The following ARB2A variants were observed in gnomAD, a reference collection of about 807,000 sequenced individuals.
ARB2A encodes ARB2 cotranscriptional regulator A, also known as cotranscriptional regulator ARB2A.
At chr5:94,093,436 A>T in the ARB2A span, among the ~76,000 whole-genome samples, 25 of 152,264 alleles carry the variant, frequency 1.6e-4, no homozygotes, top group South Asian at 5.2e-3. Context: ...CTTTCAGAAG[A>T]CTGCATTCTT....
chr5:94,062,226 AC>A, the ARB2A span, among the ~76,000 whole-genome samples: 1,372 of 152,306 alleles, frequency 9.0e-3, 13 homozygotes, highest in Non-Finnish European at 0.014. Context: ...ATAAAAATGA[AC>A]CTCAACCTAT....
At chr5:93,806,772 T>C in the ARB2A span, among the ~76,000 whole-genome samples, 3 of 151,918 alleles carry the variant, frequency 2.0e-5, no homozygotes, top group Non-Finnish European at 4.4e-5. Flanking sequence ...TGGCTTATGA[T>C]ATAGAGTGAC....
At chr5:93,743,722 A>G in the ARB2A span, 5 of 205,548 alleles carry the variant, frequency 2.4e-5, no homozygotes, top group Middle Eastern at 2.5e-3. Context: ...GCTGGAGTGC[A>G]GTGGCGTGAT....
chr5:93,676,989 T>C, the ARB2A span, among the ~76,000 whole-genome samples: 1 of 152,226 alleles, frequency 6.6e-6, no homozygotes, highest in Admixed American at 6.5e-5. Flanking sequence ...GCAGTCATGT[T>C]ATCTCATAAA....
the ARB2A span, among the ~76,000 whole-genome samples, chr5:94,100,622 C>T: frequency 6.6e-6 from 1 of 151,960 alleles, no homozygotes; most frequent in African/African-American, 2.4e-5. Context: ...ACAGAGACCA[C>T]AAATAAGGCC....
chr5:93,739,987 G>C, the ARB2A span: 2 of 140,548 alleles, frequency 1.4e-5, no homozygotes, highest in Non-Finnish European at 3.0e-5. Flanking sequence ...GAAATGAAAA[G>C]GTAAATCAGA....
chr5:93,957,207 C>T, the ARB2A span, among the ~76,000 whole-genome samples: 1 of 152,086 alleles, frequency 6.6e-6, no homozygotes, highest in East Asian at 1.9e-4. Context: ...TATAGACTTT[C>T]CCTGCGAAAT....
chr5:94,083,589 T>C, the ARB2A span, among the ~76,000 whole-genome samples: 2 of 152,144 alleles, frequency 1.3e-5, no homozygotes, highest in East Asian at 3.8e-4. Flanking sequence ...CTCTTAATGA[T>C]GAAATATTTG....
chr5:94,055,541 A>G, the ARB2A span: 12 of 643,024 alleles, frequency 1.9e-5, no homozygotes, highest in Non-Finnish European at 2.1e-5. Flanking sequence ...ACATAAAAAT[A>G]TACTATCCCC....
At chr5:94,006,869 C>T in the ARB2A span, among the ~76,000 whole-genome samples, 1 of 152,138 alleles carries the variant, frequency 6.6e-6, no homozygotes, top group Non-Finnish European at 1.5e-5. Flanking sequence ...ATCACTGTTT[C>T]TTCCTCAACA....
At chr5:93,761,432 C>T in the ARB2A span, among the ~76,000 whole-genome samples, 1 of 152,200 alleles carries the variant, frequency 6.6e-6, no homozygotes, top group Non-Finnish European at 1.5e-5. Context: ...CTCAGAGGGT[C>T]CTACGCCCAT....
chr5:93,882,183 G>A, the ARB2A span, among the ~76,000 whole-genome samples: 3 of 151,194 alleles, frequency 2.0e-5, no homozygotes, highest in Non-Finnish European at 4.4e-5. Flanking sequence ...AGAATAAGCA[G>A]TTAAAAAAGA....
the ARB2A span, among the ~76,000 whole-genome samples, chr5:93,705,632 T>TGC: frequency 6.8e-6 from 1 of 147,412 alleles, no homozygotes; most frequent in African/African-American, 2.6e-5. Context: ...TGTGTGTGTG[T>TGC]GTGTGTGTGT....
At chr5:93,799,669 G>A in the ARB2A span, among the ~76,000 whole-genome samples, 1 of 152,080 alleles carries the variant, frequency 6.6e-6, no homozygotes, top group Non-Finnish European at 1.5e-5. Flanking sequence ...TACATGGTTA[G>A]TACCAGGAAA....
At chr5:94,080,863 C>T in the ARB2A span, among the ~76,000 whole-genome samples, 2 of 152,150 alleles carry the variant, frequency 1.3e-5, no homozygotes, top group Non-Finnish European at 2.9e-5. Context: ...ACCCCAAATT[C>T]TGTCTCAGCA....
chr5:93,934,083 A>C, the ARB2A span, among the ~76,000 whole-genome samples: 1 of 152,086 alleles, frequency 6.6e-6, no homozygotes, highest in Non-Finnish European at 1.5e-5. Flanking sequence ...TAAAACTATA[A>C]AATTCCTAGG....
At chr5:93,627,323 A>G in the ARB2A span, among the ~76,000 whole-genome samples, 1 of 152,134 alleles carries the variant, frequency 6.6e-6, no homozygotes, top group African/African-American at 2.4e-5. Context: ...TGAATCACAA[A>G]TGTTCTTAAT....
chr5:93,812,761 G>A, the ARB2A span, among the ~76,000 whole-genome samples: 6 of 152,170 alleles, frequency 3.9e-5, no homozygotes, highest in South Asian at 2.1e-4. Flanking sequence ...CATCTGACTC[G>A]ATTATAAAAT....
chr5:94,069,761 G>A, the ARB2A span, among the ~76,000 whole-genome samples: 1 of 152,068 alleles, frequency 6.6e-6, no homozygotes, highest in South Asian at 2.1e-4. Flanking sequence ...CAGTTAGAAT[G>A]GCTATTATTA....
Sources: gnomAD v4.1 joint callset for allele counts (sites outside exome capture counted in the v4.1 genomes callset) on GRCh38, gnomAD v4.1.1 for gene constraint, MANE v1.5 for transcripts, NCBI Gene and HGNC (gene_info 2026-07-23, HGNC 2026-07-21) for gene names.